ADAMTS9: variants seen among roughly 807,000 people sequenced by gnomAD.
ADAMTS9 encodes ADAM metallopeptidase with thrombospondin type 1 motif 9.
In ADAMTS9, 107 loss-of-function variants were observed where a neutral mutation model predicts 257.1. The ratio of observed to expected loss-of-function variants is 0.42; its 90% CI spans 0.36 to 0.49. The LOEUF (loss-of-function observed/expected upper bound fraction) is 0.49. Among genes scored for constraint, ADAMTS9 ranks in the 20% least tolerant of loss-of-function variants. The probability of loss-of-function intolerance (pLI) is 0.03; values close to 1 mark genes in which losing one functional copy is unlikely to be tolerated. For synonymous variants in ADAMTS9, 982 were observed against 880.9 expected (o/e 1.11, Z -2.03); for missense variants, 2,353 against 2,469.1 (o/e 0.95, Z 1.00).
chr3:64,549,583 T>TCTTC (rs2083244330), intron 31 of ADAMTS9, among the ~76,000 whole-genome samples: 1 of 152,178 alleles, frequency 6.6e-6, no homozygotes, highest in African/African-American at 2.4e-5. Flanking sequence ...CATGCGGTAC[T>TCTTC]ACTCAGGGCA....
At chr3:64,633,024 G>A (rs1424076054) in intron 14 of ADAMTS9, among the ~76,000 whole-genome samples, 2 of 152,118 alleles carry the variant, frequency 1.3e-5, no homozygotes, top group African/African-American at 2.4e-5. Context: ...GAATGTCTCA[G>A]GTAAAAATGA....
chr3:64,591,323 C>T (rs1222104294), intron 28 of ADAMTS9, among the ~76,000 whole-genome samples: 1 of 151,840 alleles, frequency 6.6e-6, no homozygotes, highest in Non-Finnish European at 1.5e-5. Flanking sequence ...ACCTATAATC[C>T]CGGCTACTTG....
At chr3:64,526,264 C>T (rs13070071) in intron 38 of ADAMTS9, among the ~76,000 whole-genome samples, 94,468 of 151,532 alleles carry the variant, frequency 0.62, 34,902 homozygotes, top group Non-Finnish European at 0.85. Context: ...ATTGTATACA[C>T]GAATCAAAAT....
intron 28 of ADAMTS9, chr3:64,586,574 ACT>A (rs1459580279): frequency 6.6e-6 from 1 of 152,070 alleles, no homozygotes; most frequent in South Asian, 2.1e-4. Context: ...GGGGGAAAAC[ACT>A]CTATCTGGCC....
Position 64,658,470 on chromosome 3 carries a change from C to T in ADAMTS9, c.969+32G>A, listed in dbSNP as rs144638452. ...ATTCCCCAATGGCACATTTAGAGAC[C>T]TCATAAATCACCTTCGTTTGAATGT... On this transcript the variant is annotated intron_variant, in intron 4 of 39. Coordinates refer to ENST00000498707, the MANE Select transcript of ADAMTS9 (RefSeq NM_182920.2). 7.6e-4 allele frequency: 1,206 copies of T among 1,588,932 alleles called. 14 individuals carry two copies. In the African/African-American group the frequency reaches 0.014, roughly 18 times the overall value.
At chr3:64,616,423 G>A (rs1475556111) in intron 19 of ADAMTS9, among the ~76,000 whole-genome samples, 1 of 152,114 alleles carries the variant, frequency 6.6e-6, no homozygotes, top group African/African-American at 2.4e-5. Context: ...ATTTTACCCC[G>A]ATAGTCAATC....
At chr3:64,561,220 C>T (rs4688211) in intron 30 of ADAMTS9, 1 of 179,098 alleles carries the variant, frequency 5.6e-6, no homozygotes, top group Admixed American at 5.7e-5. Context: ...TAAACAGATA[C>T]AGAATGACCA....
chr3:64,654,322 A>T, intron 8 of ADAMTS9, 31 bp downstream of exon 8: 1 of 1,596,650 alleles, frequency 6.3e-7, no homozygotes. Context: ...GGTCACTCCA[A>T]ATTAAATGAA....
In ADAMTS9 at chr3:64,686,642, T is replaced by C. The variant is rs752243198; in HGVS notation, c.442A>G (p.Lys148Glu). The C allele has an allele frequency of 4.3e-6, 7 of 1,614,114 alleles. No individual in the cohort carries two copies. In the South Asian group the frequency reaches 7.7e-5, roughly 18 times the overall value. ...KFYSEEEAELKHCFYKGYVNT... is the reference protein window; with the variant it reads ...KFYSEEEAELEHCFYKGYVNT... ...ACATAGCCTTTGTAGAAACAGTGCT[T>C]GAGTTCCGCTTCCTCTTCGGAATAA... The change falls in exon 2 of 40, where the codon AAG becomes GAG. Residue 148 changes from lysine (K) to glutamate (E), a missense_variant. Lys to Glu is a moderately conservative substitution (Grantham distance 56, BLOSUM62 1). Around this residue, in one of 3 missense-constraint regions of ADAMTS9, gnomAD observed 591 missense variants for 569.6 expected, o/e 1.04. Transcript: ENST00000498707. The surrounding 1 kb of genome is among the most constrained non-coding windows in gnomAD (Gnocchi z 4.6).
At chr3:64,523,470 A>C (rs1038465556) in intron 38 of ADAMTS9, among the ~76,000 whole-genome samples, 6 of 152,208 alleles carry the variant, frequency 3.9e-5, no homozygotes, top group African/African-American at 1.4e-4. Context: ...TATTTCAAAA[A>C]GGTTGGGAAA....
rs538628170 is a variant in ADAMTS9 at position 64,603,986 on chromosome 3, G to A, written c.3683C>T (p.Pro1228Leu). The change falls in exon 25 of 40, where the codon CCA becomes CTA. Residue 1228 changes from proline to leucine, a missense_variant. Pro to Leu is a moderately conservative substitution (Grantham distance 98). Around this residue, in one of 3 missense-constraint regions of ADAMTS9, gnomAD observed 1,402 missense variants for 1,441.4 expected, o/e 0.97. Transcript: ENST00000498707. ...DESACATLPRPVAKEECSVTP... is the reference protein window; with the variant it reads ...DESACATLPRLVAKEECSVTP... ...CACAGAACATTCTTCCTTTGCCACT[G>A]GTCTAGGCAGGGTAGCACAGGCACT... 6.2e-7 allele frequency: 1 copy of A among 1,614,080 alleles called. No homozygotes were observed. Among genetic ancestry groups the A allele is most frequent in the East Asian group, 2.2e-5 (1 of 44,836 alleles).
chr3:64,534,608 A>C (rs890767693), intron 37 of ADAMTS9, among the ~76,000 whole-genome samples: 2 of 152,182 alleles, frequency 1.3e-5, no homozygotes, highest in Non-Finnish European at 2.9e-5. Context: ...CAGTTCCATA[A>C]ATATTGACTA....
chr3:64,598,037 C>G (rs1003123110), intron 26 of ADAMTS9, among the ~76,000 whole-genome samples: 10 of 152,170 alleles, frequency 6.6e-5, no homozygotes, highest in Admixed American at 3.3e-4. Flanking sequence ...TTGCTTCTTG[C>G]TGGTCATCTT....
intron 3 of ADAMTS9, among the ~76,000 whole-genome samples, chr3:64,659,340 C>T (rs1044924375): frequency 3.9e-5 from 6 of 152,038 alleles, no homozygotes; most frequent in Non-Finnish European, 7.4e-5. Flanking sequence ...TGCTGGTACA[C>T]GTCTGTAATC....
At chr3:64,682,064 T>C (rs1261306718) in intron 2 of ADAMTS9, among the ~76,000 whole-genome samples, 2 of 152,150 alleles carry the variant, frequency 1.3e-5, no homozygotes, top group Non-Finnish European at 2.9e-5. Context: ...CGCTGGCACA[T>C]GATCCTCTCA....
Position 64,619,994 on chromosome 3 carries a change from G to A in ADAMTS9, c.2813+1120C>T, listed in dbSNP as rs527593240. The stretch of plus-strand genomic sequence containing the variant: ...AACAAGAATATTGCCTAGTATAAAC[G>A]TCTGCCTTTTAATGTCTTCCTGTTT... On this transcript the variant is annotated intron_variant, in intron 19 of 39. Transcript: ENST00000498707. 1.4e-4 allele frequency among the ~76,000 whole-genome samples: 21 copies of A among 151,782 alleles called. No individual in the cohort carries two copies. The South Asian group carries it at 3.3e-3, about 24-fold the overall frequency.
chr3:64,542,430 C>CTT (rs56812239), intron 32 of ADAMTS9, among the ~76,000 whole-genome samples: 59 of 124,502 alleles, frequency 4.7e-4, no homozygotes, highest in Non-Finnish European at 7.5e-4. Context: ...TTCTTTCTTT[C>CTT]TTTTTTTTTT....
Position 64,649,463 on chromosome 3 carries a change from T to C in ADAMTS9, c.1605+174A>G, listed in dbSNP as rs114564945. On this transcript the variant is annotated intron_variant, in intron 10 of 39. Transcript: ENST00000498707. ...GTGCAGGTAAAGCACTATTTAACAC[T>C]GAGCAGCAGTACTGTTGTGTCATCC... Among the ~76,000 whole-genome samples, 742 of 152,316 alleles carry C rather than the reference T, an allele frequency of 4.9e-3. 9 individuals carry two copies. The highest frequency in any genetic ancestry group is 0.017 in the African/African-American group (697 of 41,570).
intron 23 of ADAMTS9, among the ~76,000 whole-genome samples, chr3:64,606,500 C>T (rs2084558637): frequency 6.6e-6 from 1 of 152,106 alleles, no homozygotes; most frequent in Non-Finnish European, 1.5e-5. Context: ...TTTTAATACC[C>T]TACATTTAAT....
Sources: gnomAD v4.1 joint callset for allele counts (sites outside exome capture counted in the v4.1 genomes callset) on GRCh38, gnomAD v4.1.1 for gene constraint, gnomAD v4.1.1 regional missense constraint, Gnocchi (gnomAD v3.1) non-coding constraint, MANE v1.5 for transcripts, NCBI Gene and HGNC (gene_info 2026-07-23, HGNC 2026-07-21) for gene names.